Variants in SPOCK3 observed in about 807,000 individuals in gnomAD.
SPOCK3 encodes the protein SPARC (osteonectin), cwcv and kazal like domains proteoglycan 3.
SPOCK3 carries 30 observed loss-of-function variants against 56.6 expected under a neutral mutation model. That is an observed-to-expected ratio of 0.53 (90% CI 0.40 to 0.72). The LOEUF (loss-of-function observed/expected upper bound fraction) is 0.72. Ranked by LOEUF, SPOCK3 falls within the 30% of genes least tolerant of loss-of-function variation. SPOCK3 has a pLI of 0.00. For synonymous variants in SPOCK3, 196 were observed against 183.3 expected (o/e 1.07, Z -0.56); for missense variants, 527 against 530.0 (o/e 0.99, Z 0.06).
At chr4:166,975,946 T>C (rs558352456) in intron 4 of SPOCK3, among the ~76,000 whole-genome samples, 1 of 152,304 alleles carries the variant, frequency 6.6e-6, no homozygotes, top group East Asian at 1.9e-4. Context: ...CTTCCAAATC[T>C]TGGCTATTGT....
chr4:167,068,298 G>GAT (rs10629492), intron 2 of SPOCK3, among the ~76,000 whole-genome samples: 151,678 of 151,758 alleles, frequency 1, 75,799 homozygotes, highest in Non-Finnish European at 1. Context: ...CATTTACTCT[G>GAT]ATTTCAACTC....
At chr4:167,139,138 A>T (rs1763335683) in intron 2 of SPOCK3, among the ~76,000 whole-genome samples, 1 of 151,972 alleles carries the variant, frequency 6.6e-6, no homozygotes, top group Non-Finnish European at 1.5e-5. Context: ...ACCATGTTTC[A>T]TCTGTAAGCC....
chr4:166,856,117 C>T (rs1020854025), intron 6 of SPOCK3, among the ~76,000 whole-genome samples: 1 of 151,328 alleles, frequency 6.6e-6, no homozygotes. Flanking sequence ...AAAAGCTGAA[C>T]TCACAGAAGT....
Position 166,920,776 on chromosome 4 carries a change from T to A in SPOCK3, c.351-8033A>T, listed in dbSNP as rs190827665. Among the ~76,000 whole-genome samples, 225 of 152,200 alleles carry A rather than the reference T, an allele frequency of 1.5e-3. 1 individual carries two copies. The highest frequency in any genetic ancestry group is 2.3e-3 in the Non-Finnish European group (154 of 67,992). On this transcript the variant is annotated intron_variant, in intron 4 of 10. Transcript: ENST00000357545. ...TTGTTTGACTATTGAAAACACATTT[T>A]TATATATATATAAATGTCTTGATTG...
chr4:166,958,162 C>T (rs1561056286), intron 4 of SPOCK3, among the ~76,000 whole-genome samples: 1 of 152,158 alleles, frequency 6.6e-6, no homozygotes, highest in Non-Finnish European at 1.5e-5. Context: ...CGCCTTGATG[C>T]TGTCTTCACA....
intron 2 of SPOCK3, among the ~76,000 whole-genome samples, chr4:167,214,101 G>T (rs1735137001): frequency 1.3e-5 from 2 of 151,720 alleles, no homozygotes; most frequent in Middle Eastern, 3.4e-3. Context: ...TAGATGCAAA[G>T]ATGCAACCTT....
chr4:167,091,215 T>C (rs534755691), intron 2 of SPOCK3, among the ~76,000 whole-genome samples: 3 of 152,172 alleles, frequency 2.0e-5, no homozygotes, highest in Non-Finnish European at 4.4e-5. Flanking sequence ...TATATTTCAC[T>C]TATTTTAAAG....
intron 6 of SPOCK3, among the ~76,000 whole-genome samples, chr4:166,804,589 C>G (rs1579278638): frequency 6.6e-6 from 1 of 152,100 alleles, no homozygotes; most frequent in Non-Finnish European, 1.5e-5. Context: ...TTCTCAAATA[C>G]ATGTTTTTAG....
intron 2 of SPOCK3, among the ~76,000 whole-genome samples, chr4:167,157,029 T>C (rs1764874714): frequency 6.6e-6 from 1 of 152,100 alleles, no homozygotes; most frequent in Non-Finnish European, 1.5e-5. Context: ...TTGCAAAATC[T>C]GTCAGTGCAT....
intron 4 of SPOCK3, among the ~76,000 whole-genome samples, chr4:166,939,866 G>C (rs12649043): frequency 0.55 from 83,185 of 151,956 alleles, 25,290 homozygotes; most frequent in East Asian, 0.79. Context: ...TATTTATCTT[G>C]TTTAAGGCCA....
chr4:166,877,623 A>C (rs1469911077), intron 6 of SPOCK3, among the ~76,000 whole-genome samples: 1 of 152,168 alleles, frequency 6.6e-6, no homozygotes, highest in African/African-American at 2.4e-5. Flanking sequence ...TCCACAATCC[A>C]TTTCAGAGTA....
chr4:167,115,825 T>G (rs1232369791), intron 2 of SPOCK3, among the ~76,000 whole-genome samples: 1 of 152,032 alleles, frequency 6.6e-6, no homozygotes, highest in African/African-American at 2.4e-5. Context: ...TTAAACATCT[T>G]TAAAGTCCTG....
At chr4:166,924,109 C>T (rs1254230784) in intron 4 of SPOCK3, among the ~76,000 whole-genome samples, 1 of 152,204 alleles carries the variant, frequency 6.6e-6, no homozygotes, top group East Asian at 1.9e-4. Context: ...CCGTTAAAAG[C>T]CAGTCAGTTA....
At chr4:166,948,829 G>C (rs1284865525) in intron 4 of SPOCK3, among the ~76,000 whole-genome samples, 1 of 151,876 alleles carries the variant, frequency 6.6e-6, no homozygotes, top group Admixed American at 6.6e-5. Context: ...TCTTGGAGTT[G>C]CTCTTCTCGA....
At position 167,224,640 on chromosome 4, in the gene SPOCK3, A is replaced by T. The variant is rs141235878; in HGVS notation, c.189+9345T>A. Among the ~76,000 whole-genome samples, 746 of 152,282 alleles carry T rather than the reference A, an allele frequency of 4.9e-3. 7 individuals carry two copies. The highest frequency in any genetic ancestry group is 0.017 in the African/African-American group (690 of 41,556). On this transcript the variant is annotated intron_variant, in intron 2 of 10. Coordinates refer to ENST00000357545, the MANE Select transcript of SPOCK3 (RefSeq NM_001040159.2). The stretch of plus-strand genomic sequence containing the variant: ...CAAAAAAGATATATAATACAGATAA[A>T]TGCAATAAAAAAGTACTTAAACTTT...
intron 2 of SPOCK3, among the ~76,000 whole-genome samples, chr4:167,209,278 T>C (rs988518418): frequency 6.6e-6 from 1 of 152,278 alleles, no homozygotes; most frequent in Admixed American, 6.5e-5. Context: ...CTAAGTAATA[T>C]TTGAAAATAT....
chr4:167,062,687 TA>T (rs1474425414), intron 2 of SPOCK3, 150 bp from the exon 3 acceptor site: 2 of 588,150 alleles, frequency 3.4e-6, no homozygotes, highest in Middle Eastern at 4.3e-4. Flanking sequence ...AATAAATAAA[TA>T]AAAATAAAAA....
intron 2 of SPOCK3, among the ~76,000 whole-genome samples, chr4:167,223,406 G>C (rs68085176): frequency 6.8e-6 from 1 of 147,876 alleles, no homozygotes; most frequent in Non-Finnish European, 1.5e-5. Context: ...ATTATATATA[G>C]AGAGAGATAT....
At chr4:167,177,840 CAT>C (rs1731117158) in intron 2 of SPOCK3, among the ~76,000 whole-genome samples, 1 of 152,108 alleles carries the variant, frequency 6.6e-6, no homozygotes, top group African/African-American at 2.4e-5. Flanking sequence ...CTTTATGTCT[CAT>C]AGGAGAACAC....
Sources: gnomAD v4.1 joint callset for allele counts (sites outside exome capture counted in the v4.1 genomes callset) on GRCh38, gnomAD v4.1.1 for gene constraint, MANE v1.5 for transcripts, NCBI Gene and HGNC (gene_info 2026-07-23, HGNC 2026-07-21) for gene names.